LMO2: variants seen among roughly 807,000 people sequenced by gnomAD.
The protein encoded by LMO2 is LIM domain only 2.
Under a neutral mutation model 23.2 loss-of-function variants are expected in LMO2, and 20 were observed. That is an observed-to-expected ratio of 0.86 (90% confidence interval 0.61 to 1.25). The LOEUF (loss-of-function observed/expected upper bound fraction) is 1.25. Ranked by LOEUF, LMO2 falls within the 50% of genes most tolerant of loss-of-function variation. LMO2 has a pLI of 0.00. For missense variants in LMO2, 270 were observed against 315.3 expected, an observed-to-expected ratio of 0.86 and a Z score of 1.09; for synonymous variants, 123 against 130.2, an observed-to-expected ratio of 0.94 and a Z score of 0.38.
chr11:33,867,159 C>CAGT (rs1856819125), intron 4 of LMO2, among the ~76,000 whole-genome samples: 1 of 152,176 alleles, frequency 6.6e-6, no homozygotes, highest in Non-Finnish European at 1.5e-5. Context: ...TGGGGGCCAC[C>CAGT]AGTAGCACAG....
At position 33,858,792 on chromosome 11, in the gene LMO2, T is replaced by C; in HGVS notation, c.*564A>G. 1 of 223,800 alleles carries C rather than the reference T, an allele frequency of 4.5e-6. No homozygotes were observed. Among genetic ancestry groups the C allele is most frequent in the Admixed American group, 5.7e-5 (1 of 17,556 alleles). The allele number at this position is 223,800 out of a possible 1,614,324, so 13.9% of individuals were successfully genotyped here. ...TAAATAATTGTTTGGTTAAAAGTTGTGGTTTCCATTCTCAACCGAAATGCG... is the reference window on the plus strand; with the variant it reads ...TAAATAATTGTTTGGTTAAAAGTTGCGGTTTCCATTCTCAACCGAAATGCG... On this transcript the variant is annotated 3_prime_UTR_variant, in exon 6 of 6. Transcript: ENST00000257818.
At chr11:33,862,229 G>A (rs558848758) in intron 5 of LMO2, among the ~76,000 whole-genome samples, 10 of 152,308 alleles carry the variant, frequency 6.6e-5, no homozygotes, top group South Asian at 4.1e-4. Context: ...TGGAATATAA[G>A]TTATGCCTGG....
At chr11:33,869,209 C>A (rs1221662387) in intron 4 of LMO2, 137 bp downstream of exon 4, 8 of 501,372 alleles carry the variant, frequency 1.6e-5, no homozygotes, top group Non-Finnish European at 2.2e-5. Flanking sequence ...AGGAGCCCAG[C>A]GCTCGGCACA....
Position 33,869,360 on chromosome 11 carries a change from G to A in LMO2, c.234C>T (p.Ser78=). Reference sequence around the variant, plus strand: ...GCCGCACTTACTCTGAAGGGTCCAGGCTCTTCCTTTCGATGGCCGAGGACA... The same window carrying A: ...GCCGCACTTACTCTGAAGGGTCCAGACTCTTCCTTTCGATGGCCGAGGACA... The part of the protein sequence containing the change: ...SPMSSAIERK[S]LDPSEEPVDE... The change falls in exon 4 of 6, where the codon AGC becomes AGT. Residue 78 remains serine, a synonymous_variant. Coordinates refer to ENST00000257818, the MANE Select transcript of LMO2 (RefSeq NM_005574.4). 8.3e-7 allele frequency: 1 copy of A among 1,211,344 alleles called. No individual in the cohort carries two copies. The allele number at this position is 1,211,344 out of a possible 1,614,324, so 75.0% of individuals were successfully genotyped here.
In LMO2 at chr11:33,864,032, G is replaced by A. The variant is rs530828497; in HGVS notation, c.464+570C>T. Among the ~76,000 whole-genome samples, 1 of 152,314 alleles carries A rather than the reference G, an allele frequency of 6.6e-6. No homozygotes were observed. The highest frequency in any genetic ancestry group is 2.4e-5 in the African/African-American group (1 of 41,572). On this transcript the variant is annotated intron_variant, in intron 5 of 5. Coordinates refer to ENST00000257818, the MANE Select transcript of LMO2 (RefSeq NM_005574.4). The surrounding 1 kb of genome is among the most constrained non-coding windows in gnomAD (Gnocchi z 4.8). ...CACCAAGCTGGGAAGCAATGGTATT[G>A]GGACTCAAACCTCCAACTGCCTACA...
At chr11:33,867,990 C>A (rs1015186363) in intron 4 of LMO2, among the ~76,000 whole-genome samples, 1 of 152,154 alleles carries the variant, frequency 6.6e-6, no homozygotes, top group Non-Finnish European at 1.5e-5. Context: ...ACCCTTTAAA[C>A]CCATTGTTTG....
chr11:33,870,598 A>C (rs1856991947), intron 2 of LMO2: 2 of 985,350 alleles, frequency 2.0e-6, no homozygotes, highest in African/African-American at 3.5e-5. Flanking sequence ...AGCTAATCCC[A>C]GAGGGAGGGT....
intron 1 of LMO2, among the ~76,000 whole-genome samples, chr11:33,883,098 T>A (rs1857325306): frequency 6.6e-6 from 1 of 152,236 alleles, no homozygotes; most frequent in Non-Finnish European, 1.5e-5. Flanking sequence ...TTTTCTTATT[T>A]GTGTATTTGC....
intron 4 of LMO2, among the ~76,000 whole-genome samples, chr11:33,866,426 G>A (rs543299971): frequency 7.2e-5 from 11 of 152,298 alleles, no homozygotes; most frequent in African/African-American, 2.4e-4. Context: ...CTTGAGCCCA[G>A]GAGTTTGAGG....
chr11:33,870,299 A>C lies in LMO2; in HGVS notation c.-271-312T>G, dbSNP rs1856977983. ...CTAAGGCAGAAAGTAACCCACGAAC[A>C]GCTCGAGCAAGCAAGAAAAGACAAG... On this transcript the variant is annotated intron_variant, in intron 2 of 5. Transcript: ENST00000257818. The C allele has an allele frequency of 2.7e-5, 25 of 924,938 alleles. No homozygotes were observed. In the South Asian group the frequency reaches 1.2e-3, roughly 46 times the overall value. The allele number at this position is 924,938 out of a possible 1,614,324, so 57.3% of individuals were successfully genotyped here.
At chr11:33,886,470 G>C (rs2133717937) in intron 1 of LMO2, among the ~76,000 whole-genome samples, 2 of 152,328 alleles carry the variant, frequency 1.3e-5, no homozygotes, top group East Asian at 3.9e-4. Context: ...ATTCCAAACA[G>C]ATAGGGATGA....
chr11:33,869,906 G>C lies in LMO2; in HGVS notation c.-190C>G. ...CCTAGGGGCGGGGAGGGGACCGTGC[G>C]TCTCTCTCCGGGCTTCCTCCTCTCT... On this transcript the variant is annotated 5_prime_UTR_variant, in exon 3 of 6. Transcript: ENST00000257818. 9.5e-7 allele frequency: 1 copy of C among 1,050,026 alleles called. No individual in the cohort carries two copies. Among genetic ancestry groups the C allele is most frequent in the South Asian group, 4.6e-5 (1 of 21,894 alleles). 65.0% of individuals were successfully genotyped at this position (1,050,026 alleles called of 1,614,324 possible).
chr11:33,862,056 A>T (rs1399696832), intron 5 of LMO2, among the ~76,000 whole-genome samples: 1 of 152,224 alleles, frequency 6.6e-6, no homozygotes, highest in African/African-American at 2.4e-5. Context: ...CTTAGGCTGG[A>T]TATCCCAGAA....
In LMO2 at chr11:33,864,931, T is replaced by A; in HGVS notation, c.249-114A>T. The A allele has an allele frequency of 1.1e-6, 1 of 917,326 alleles. No individual in the cohort carries two copies. The highest frequency in any genetic ancestry group is 1.7e-6 in the Non-Finnish European group (1 of 572,908). The allele number at this position is 917,326 out of a possible 1,614,324, so 56.8% of individuals were successfully genotyped here. On this transcript the variant is annotated intron_variant, in intron 4 of 5. Coordinates refer to ENST00000257818, the MANE Select transcript of LMO2 (RefSeq NM_005574.4). This position sits in a 1 kb window ranked among gnomAD's most constrained non-coding sequence, Gnocchi z 4.8. ...CTCACCTGACTGCCTTTCAGTGACC[T>A]AAGGGAGAAGGGACAGGACAACACA... is the stretch of plus-strand genomic sequence containing the variant.
intron 1 of LMO2, among the ~76,000 whole-genome samples, chr11:33,889,723 T>G (rs1037871387): frequency 1.3e-5 from 2 of 152,188 alleles, no homozygotes; most frequent in African/African-American, 4.8e-5. Flanking sequence ...TAGTACAATC[T>G]CTAGGAAGAA....
intron 2 of LMO2, 44 bp from the exon 3 acceptor site, chr11:33,870,031 A>T: frequency 1.2e-6 from 1 of 809,938 alleles, no homozygotes; most frequent in Non-Finnish European, 1.5e-6. Flanking sequence ...ACATTTAAAG[A>T]GACAGCTGCC....
chr11:33,882,643 T>C lies in LMO2; in HGVS notation c.-335-756A>G, dbSNP rs561019840. On this transcript the variant is annotated intron_variant, in intron 1 of 5. Transcript: ENST00000257818. ...TCAAACAAAAGATTACGGTTATAAATAGATAGACCTAATTGTGGCAAACAA... is the reference window on the plus strand; with the variant it reads ...TCAAACAAAAGATTACGGTTATAAACAGATAGACCTAATTGTGGCAAACAA... 2.0e-5 allele frequency among the ~76,000 whole-genome samples: 3 copies of C among 152,372 alleles called. No individual in the cohort carries two copies. The East Asian group carries it at 5.8e-4, about 29-fold the overall frequency.
At chr11:33,890,949 C>T (rs951015301) in intron 1 of LMO2, among the ~76,000 whole-genome samples, 1 of 152,146 alleles carries the variant, frequency 6.6e-6, no homozygotes, top group Non-Finnish European at 1.5e-5. Flanking sequence ...AGAAGATTCA[C>T]CTTTTCAGGG....
At chr11:33,871,242 T>TCC (rs1857015016) in intron 2 of LMO2, among the ~76,000 whole-genome samples, 1 of 141,724 alleles carries the variant, frequency 7.1e-6, no homozygotes, top group African/African-American at 2.7e-5. Flanking sequence ...TGTGTGTGTG[T>TCC]CCCAAAGGAA....
Sources: gnomAD v4.1 joint callset for allele counts (sites outside exome capture counted in the v4.1 genomes callset) on GRCh38, gnomAD v4.1.1 for gene constraint, Gnocchi (gnomAD v3.1) non-coding constraint, MANE v1.5 for transcripts, NCBI Gene and HGNC (gene_info 2026-07-23, HGNC 2026-07-21) for gene names.